Variants in RORB observed in about 807,000 individuals in gnomAD.
RORB encodes the protein RAR related orphan receptor B, also known as nuclear receptor ROR-beta.
Under a neutral mutation model 59.1 loss-of-function variants are expected in RORB, and 6 were observed. The ratio of observed to expected loss-of-function variants is 0.10; its 90% CI spans 0.06 to 0.20. RORB has a LOEUF of 0.20. Ranked by LOEUF, RORB falls within the 10% of genes least tolerant of loss-of-function variation. The pLI is 1.00. For missense variants in RORB, 320 were observed against 560.5 expected (o/e 0.57, Z 4.33); for synonymous variants, 215 against 204.5 (o/e 1.05, Z -0.44).
intron 1 of RORB, among the ~76,000 whole-genome samples, chr9:74,599,520 C>G (rs924515370): frequency 6.6e-6 from 1 of 152,160 alleles, no homozygotes; most frequent in Admixed American, 6.5e-5. Flanking sequence ...CCCAGAGAAT[C>G]CTAACTAATA....
rs58788419 is a variant in RORB, at chr9:74,545,807, G to GTT, written c.7+47833_7+47834dup. The stretch of plus-strand genomic sequence containing the variant: ...TGAGTAACTCTTATTTTACCTGACA[G>GTT]TTTTTTTTTTCAGGGGACATATATC... On this transcript the variant is annotated intron_variant, in intron 1 of 9. Coordinates refer to ENST00000376896, the MANE Select transcript of RORB (RefSeq NM_006914.4). 3.4e-3 allele frequency among the ~76,000 whole-genome samples: 508 copies of GTT among 150,162 alleles called. 6 individuals are homozygous for GTT. Among genetic ancestry groups the GTT allele is most frequent in the African/African-American group, 0.011 (436 of 40,996 alleles).
At chr9:74,644,180 G>A (rs532327446) in intron 4 of RORB, among the ~76,000 whole-genome samples, 199 of 152,280 alleles carry the variant, frequency 1.3e-3, no homozygotes, top group Admixed American at 6.3e-3. Flanking sequence ...TGAGGAAGAA[G>A]CAATGTTACA....
At chr9:74,518,524 G>A (rs1826040759) in intron 1 of RORB, among the ~76,000 whole-genome samples, 1 of 151,944 alleles carries the variant, frequency 6.6e-6, no homozygotes, top group South Asian at 2.1e-4. Context: ...AAATCAAGAG[G>A]TGTGTTGTTA....
chr9:74,517,744 C>A lies in RORB; in HGVS notation c.7+19761C>A, dbSNP rs150555554. Among the ~76,000 whole-genome samples, 961 of 151,854 alleles carry A rather than the reference C, an allele frequency of 6.3e-3. 17 individuals carry two copies. The highest frequency in any genetic ancestry group is 0.022 in the African/African-American group (931 of 41,450). ...AAAATGTCACTATGAGAGAAATGATCTTGGAAAAAATATTATAAATGTGTA... is the reference window on the plus strand; with the variant it reads ...AAAATGTCACTATGAGAGAAATGATATTGGAAAAAATATTATAAATGTGTA... On this transcript the variant is annotated intron_variant, in intron 1 of 9. Coordinates refer to ENST00000376896, the MANE Select transcript of RORB (RefSeq NM_006914.4).
At chr9:74,598,803 T>A (rs969734477) in intron 1 of RORB, among the ~76,000 whole-genome samples, 1 of 152,200 alleles carries the variant, frequency 6.6e-6, no homozygotes, top group Non-Finnish European at 1.5e-5. Context: ...TTTATTTATT[T>A]CATGCCTCTG....
At chr9:74,586,026 C>G (rs1822793816) in intron 1 of RORB, among the ~76,000 whole-genome samples, 1 of 151,884 alleles carries the variant, frequency 6.6e-6, no homozygotes, top group Non-Finnish European at 1.5e-5. Flanking sequence ...AATCTCCTGA[C>G]CTCGTGATCC....
intron 1 of RORB, among the ~76,000 whole-genome samples, chr9:74,607,000 T>C (rs1823159560): frequency 6.6e-6 from 1 of 152,112 alleles, no homozygotes; most frequent in Non-Finnish European, 1.5e-5. Context: ...TGGTAGAAAA[T>C]TCTGAGCTAG....
At chr9:74,671,697 A>T in intron 8 of RORB, 92 bp from the exon 9 acceptor site, 1 of 657,576 alleles carries the variant, frequency 1.5e-6, no homozygotes, top group Non-Finnish European at 2.6e-6. Flanking sequence ...ACTAAATAAT[A>T]TGAAATGGGT....
chr9:74,557,085 A>T (rs1822305703), intron 1 of RORB, among the ~76,000 whole-genome samples: 3 of 151,838 alleles, frequency 2.0e-5, no homozygotes. Flanking sequence ...CTCTTTCCCC[A>T]TGTAGCTCAT....
chr9:74,672,747 T>C (rs577534159), intron 9 of RORB, among the ~76,000 whole-genome samples: 2 of 152,344 alleles, frequency 1.3e-5, no homozygotes, highest in Non-Finnish European at 2.9e-5. Flanking sequence ...GCCAGAATTA[T>C]CGTAGATTTT....
intron 9 of RORB, among the ~76,000 whole-genome samples, chr9:74,683,580 T>A (rs1447333092): frequency 1.3e-5 from 2 of 152,068 alleles, no homozygotes; most frequent in Non-Finnish European, 2.9e-5. Flanking sequence ...TCTTCCAGAG[T>A]GCAAAGCGCT....
rs1273664673 is a variant in RORB at position 74,660,636 on chromosome 9, C to T, written c.657C>T (p.Ile219=). The T allele has an allele frequency of 1.2e-6, 2 of 1,613,156 alleles. No individual in the cohort carries two copies. Among genetic ancestry groups the T allele is most frequent in the East Asian group, 2.2e-5 (1 of 44,852 alleles). Residue 219 remains isoleucine (I), a synonymous_variant, in exon 5 of 10, where the codon ATC becomes ATT. Coordinates refer to ENST00000376896, the MANE Select transcript of RORB (RefSeq NM_006914.4). ...TCACAGACCGAATTGCACAGAACAT[C>T]ATTAAGTCCCATTTGGAGACATGTC... The part of the protein sequence containing the change: ...MTEIDRIAQN[I]IKSHLETCQY...
At chr9:74,682,375 T>C (rs966369661) in intron 9 of RORB, among the ~76,000 whole-genome samples, 1 of 151,798 alleles carries the variant, frequency 6.6e-6, no homozygotes, top group East Asian at 1.9e-4. Context: ...ATGGCACATG[T>C]ATACATATGT....
chr9:74,597,086 C>G (rs1427341332), intron 1 of RORB, among the ~76,000 whole-genome samples: 2 of 152,188 alleles, frequency 1.3e-5, no homozygotes, highest in Non-Finnish European at 1.5e-5. Context: ...GTTTCTAGCT[C>G]AGTCGGTCTG....
At chr9:74,549,751 G>A (rs1249405392) in intron 1 of RORB, among the ~76,000 whole-genome samples, 1 of 151,906 alleles carries the variant, frequency 6.6e-6, no homozygotes, top group African/African-American at 2.4e-5. Context: ...TGTTTGAGAC[G>A]GAATTTTGCT....
At chr9:74,672,228 G>T (rs922705297) in intron 9 of RORB, among the ~76,000 whole-genome samples, 2 of 152,156 alleles carry the variant, frequency 1.3e-5, no homozygotes, top group African/African-American at 4.8e-5. Context: ...AAGAAAGAGA[G>T]GGCTTTGTGC....
intron 2 of RORB, among the ~76,000 whole-genome samples, chr9:74,632,201 C>T (rs770450026): frequency 1.3e-5 from 2 of 152,032 alleles, no homozygotes; most frequent in African/African-American, 2.4e-5. Context: ...AAATATAACC[C>T]AGCAAGCCAA....
chr9:74,644,237 T>C (rs1389102257), intron 4 of RORB, among the ~76,000 whole-genome samples: 1 of 152,220 alleles, frequency 6.6e-6, no homozygotes, highest in Non-Finnish European at 1.5e-5. Context: ...CAATGCAGCA[T>C]GTGACAGTGA....
intron 1 of RORB, among the ~76,000 whole-genome samples, chr9:74,611,961 T>C (rs962577410): frequency 6.6e-6 from 1 of 152,158 alleles, no homozygotes; most frequent in African/African-American, 2.4e-5. Flanking sequence ...ACTCCATTCA[T>C]TTTACTGAAT....
Sources: allele counts gnomAD v4.1 joint callset (sites outside exome capture counted in the v4.1 genomes callset), GRCh38; gene constraint gnomAD v4.1.1; transcripts MANE v1.5; gene names NCBI Gene and HGNC (gene_info 2026-07-23, HGNC 2026-07-21).